TMPRSS15: variants seen among roughly 807,000 people sequenced by gnomAD.
The protein encoded by TMPRSS15 is enteropeptidase.
A neutral mutation model predicts 125.3 loss-of-function variants in TMPRSS15; 128 were observed. The observed-to-expected ratio is 1.02, with a 90% confidence interval of 0.89 to 1.18. The LOEUF (loss-of-function observed/expected upper bound fraction) is 1.18. TMPRSS15 is among the 50% of genes most tolerant of loss of function. The pLI is 0.00. For missense variants in TMPRSS15, 1,283 were observed against 1,212.7 expected (o/e 1.06, Z -0.86); for synonymous variants, 446 against 423.2 (o/e 1.05, Z -0.66).
intron 16 of TMPRSS15, among the ~76,000 whole-genome samples, chr21:18,317,314 AT>A (rs143455987): frequency 0.051 from 7,826 of 152,182 alleles, 623 homozygotes; most frequent in African/African-American, 0.17. Context: ...TACTATACTT[AT>A]TGAAAAAAAT....
rs189647731 is a variant in TMPRSS15 at position 18,377,576 on chromosome 21, A to G, written c.532+1707T>C. Among the ~76,000 whole-genome samples the G allele has an allele frequency of 7.7e-4, 117 of 152,290 alleles. No individual in the cohort carries two copies. In the Middle Eastern group the frequency reaches 0.01, roughly 13 times the overall value. ...TTCAGATAATAAATATAAAGTTCAA[A>G]TAGGCTAGATAGCTTGCCAAATACA... On this transcript the variant is annotated intron_variant, in intron 5 of 24. Transcript: ENST00000284885.
Position 18,275,305 on chromosome 21 carries a change from A to G in TMPRSS15, c.2796T>C (p.Asp932=). The G allele has an allele frequency of 6.2e-7, 1 of 1,614,088 alleles. No homozygotes were observed. The change falls in exon 24 of 25, where the codon GAT becomes GAC. Residue 932 remains aspartate, a synonymous_variant. Coordinates refer to ENST00000284885, the MANE Select transcript of TMPRSS15 (RefSeq NM_002772.3). ...ATCTCTCATTTGATAGAAGAGGAAC[A>G]TCAGCTTCTTGCAATATGTTTGCAG... ...GTTANILQEA[D]VPLLSNERCQ... is the part of the protein sequence containing the mutation.
chr21:18,305,178 C>G (rs1445966447), intron 18 of TMPRSS15, among the ~76,000 whole-genome samples: 1 of 102,218 alleles, frequency 9.8e-6, no homozygotes, highest in Non-Finnish European at 2.0e-5. Flanking sequence ...ATTTGAATTT[C>G]CGTACTTTTT....
chr21:18,316,255 C>T (rs2075165773), intron 16 of TMPRSS15, among the ~76,000 whole-genome samples: 1 of 152,120 alleles, frequency 6.6e-6, no homozygotes, highest in African/African-American at 2.4e-5. Context: ...GTCAACTCAC[C>T]TCTTCCTCGT....
chr21:18,383,858 T>A (rs1273129354), intron 3 of TMPRSS15, 80 bp from the exon 4 acceptor site: 8 of 1,487,578 alleles, frequency 5.4e-6, no homozygotes, highest in Non-Finnish European at 7.4e-6. Flanking sequence ...TAAATGTCTT[T>A]GAAATTCTCT....
chr21:18,330,511 T>G (rs1217334138), intron 14 of TMPRSS15, among the ~76,000 whole-genome samples: 1 of 152,174 alleles, frequency 6.6e-6, no homozygotes, highest in African/African-American at 2.4e-5. Flanking sequence ...TACTTTGGTA[T>G]GTCAAGGACT....
chr21:18,450,856 A>G (rs2076266880), intron 1 of TMPRSS15, among the ~76,000 whole-genome samples: 1 of 152,224 alleles, frequency 6.6e-6, no homozygotes, highest in Non-Finnish European at 1.5e-5. Flanking sequence ...AGCCTTGAAT[A>G]TAAAGATTTG....
chr21:18,365,003 A>C, intron 7 of TMPRSS15, 137 bp downstream of exon 7: 1 of 712,430 alleles, frequency 1.4e-6, no homozygotes, highest in South Asian at 1.7e-5. Context: ...TTTTTTGTAC[A>C]GTTTTTCAGT....
At chr21:18,284,519 G>A (rs67895516) in intron 21 of TMPRSS15, among the ~76,000 whole-genome samples, 15,181 of 152,162 alleles carry the variant, frequency 0.1, 889 homozygotes, top group African/African-American at 0.16. Flanking sequence ...AAATCTGAGG[G>A]GCAGGTGAAG....
chr21:18,391,325 G>A (rs1010148058), intron 3 of TMPRSS15, among the ~76,000 whole-genome samples: 1 of 152,190 alleles, frequency 6.6e-6, no homozygotes, highest in Non-Finnish European at 1.5e-5. Flanking sequence ...TCAAAAACAA[G>A]TTCATTACTT....
intron 24 of TMPRSS15, among the ~76,000 whole-genome samples, chr21:18,274,749 T>A (rs2074599592): frequency 6.6e-6 from 1 of 152,228 alleles, no homozygotes; most frequent in African/African-American, 2.4e-5. Context: ...ACTGCACGCC[T>A]GGATGATATT....
At position 18,281,141 on chromosome 21, in the gene TMPRSS15, G is replaced by C. The variant is rs144134985; in HGVS notation, c.2567C>G (p.Pro856Arg). The C allele has an allele frequency of 5.6e-6, 9 of 1,613,800 alleles. No individual in the cohort carries two copies. In the African/African-American group the frequency reaches 1.1e-4, roughly 19 times the overall value. The change falls in exon 22 of 25, where the codon CCT (proline) becomes CGT (arginine). Residue 856 changes from proline to arginine, a missense_variant. Pro to Arg is a moderately radical substitution (Grantham distance 103). Coordinates refer to ENST00000284885, the MANE Select transcript of TMPRSS15 (RefSeq NM_002772.3). ...KSNLTSPQTVPRLIDEIVINP... is the reference protein window; with the variant it reads ...KSNLTSPQTVRRLIDEIVINP... ...TATGACAATTTCATCTATTAATCGA[G>C]GGACTGTTTGAGGAGAGGTCAGATT...
Position 18,278,946 on chromosome 21 carries a change from T to TTTTTG in TMPRSS15, c.2764+17_2764+18insCAAAA. The TTTTTG allele has an allele frequency of 3.0e-6, 3 of 997,074 alleles. No homozygotes were observed. Among genetic ancestry groups the TTTTTG allele is most frequent in the Non-Finnish European group, 4.5e-6 (3 of 669,914 alleles). The allele number at this position is 997,074 out of a possible 1,614,324, so 61.8% of individuals were successfully genotyped here. A position where few individuals can be genotyped will look rare whatever the true frequency, so the allele number is the denominator to read the frequency against. ...AAGGTTTTTTTTTTTTTTTTTTTTT[T>TTTTTG]TGAGTCTGATAATTTACCTTGATAT... On this transcript the variant is annotated intron_variant, in intron 23 of 24. Transcript: ENST00000284885.
At chr21:18,394,722 C>T (rs533851321) in intron 3 of TMPRSS15, among the ~76,000 whole-genome samples, 3 of 151,964 alleles carry the variant, frequency 2.0e-5, no homozygotes, top group Admixed American at 2.0e-4. Context: ...AAAAAAAACA[C>T]ATTCCTACTA....
rs763920943 is a variant in TMPRSS15, at chr21:18,312,941, T to G, written c.2165+4A>C. 3 of 1,613,670 alleles carry G rather than the reference T, an allele frequency of 1.9e-6. No individual in the cohort carries two copies. The highest frequency in any genetic ancestry group is 2.2e-5 in the East Asian group (1 of 44,858). ...TTAAAAAGGAACTCAGTAGAATTAC[T>G]TACCCTAGTCCCAGCAGTTGACAAA... On this transcript the variant is annotated splice_donor_region_variant and intron_variant, in intron 18 of 24. Coordinates refer to ENST00000284885, the MANE Select transcript of TMPRSS15 (RefSeq NM_002772.3).
intron 3 of TMPRSS15, among the ~76,000 whole-genome samples, chr21:18,396,790 A>ATC (rs1308613393): frequency 4.4e-4 from 21 of 47,744 alleles, no homozygotes; most frequent in African/African-American, 1.7e-3. Flanking sequence ...AAAAAAAAAA[A>ATC]AATCTGTCTG....
In TMPRSS15 at chr21:18,365,143, A is replaced by G. The variant is rs1374661771; in HGVS notation, c.770T>C (p.Ile257Thr). 2 of 1,612,644 alleles carry G rather than the reference A, an allele frequency of 1.2e-6. No individual in the cohort carries two copies. The highest frequency in any genetic ancestry group is 1.7e-6 in the Non-Finnish European group (2 of 1,178,636). The change falls in exon 7 of 25, where the codon ATA (isoleucine) becomes ACA (threonine). Residue 257 changes from isoleucine to threonine, a missense_variant. Ile to Thr is a moderately conservative substitution (Grantham distance 89, BLOSUM62 -1). Coordinates refer to ENST00000284885, the MANE Select transcript of TMPRSS15 (RefSeq NM_002772.3). The part of the protein sequence containing the change: ...SETSVVCQWI[I>T]RVNQGLSIKL... ...AAAATATAAGATCTTGTATTACCGT[A>G]TGATCCACTGGCAGACAACACTTGT...
Position 18,281,169 on chromosome 21 carries a change from A to T in TMPRSS15, c.2539T>A (p.Ser847Thr). 6.2e-7 allele frequency: 1 copy of T among 1,614,032 alleles called. No homozygotes were observed. Among genetic ancestry groups the T allele is most frequent in the East Asian group, 2.2e-5 (1 of 44,854 alleles). ...ACTGTTTGAGGAGAGGTCAGATTTG[A>T]TTTCATATGCAGGCCTAGGATTGCT... ...WTAILGLHMK[S>T]NLTSPQTVPR... is the part of the protein sequence containing the mutation. The change falls in exon 22 of 25, where the codon TCA (serine) becomes ACA (threonine). Residue 847 changes from serine to threonine, a missense_variant. Ser to Thr is a moderately conservative substitution (Grantham distance 58). Coordinates refer to ENST00000284885, the MANE Select transcript of TMPRSS15 (RefSeq NM_002772.3).
chr21:18,369,297 T>C lies in TMPRSS15; in HGVS notation c.664+2896A>G, dbSNP rs866599059. On this transcript the variant is annotated intron_variant, in intron 6 of 24. Transcript: ENST00000284885. ...ATCTCCAGGATATATAAATCAAACATGATCTATGCTCACCCACCAAGCTGT... is the reference window on the plus strand; with the variant it reads ...ATCTCCAGGATATATAAATCAAACACGATCTATGCTCACCCACCAAGCTGT... Among the ~76,000 whole-genome samples, 7 of 152,182 alleles carry C rather than the reference T, an allele frequency of 4.6e-5. No homozygotes were observed. The East Asian group carries it at 5.8e-4, about 13-fold the overall frequency.
Sources: gnomAD v4.1 joint callset for allele counts (sites outside exome capture counted in the v4.1 genomes callset) on GRCh38, gnomAD v4.1.1 for gene constraint, MANE v1.5 for transcripts, NCBI Gene and HGNC (gene_info 2026-07-23, HGNC 2026-07-21) for gene names.